CSMD1: variants seen among roughly 807,000 people sequenced by gnomAD.
CSMD1 encodes CUB and Sushi multiple domains 1.
Under a neutral mutation model 417.5 loss-of-function variants are expected in CSMD1, and 213 were observed. That is an observed-to-expected ratio of 0.51 (90% CI 0.46 to 0.57). The LOEUF (loss-of-function observed/expected upper bound fraction) is 0.57, where lower values mean the gene tolerates loss of function less well. Ranked by LOEUF, CSMD1 falls within the 20% of genes least tolerant of loss-of-function variation. The pLI is 0.00. For synonymous variants in CSMD1, 2,862 were observed against 1,736.8 expected, an observed-to-expected ratio of 1.65 and a Z score of -16.11; for missense variants, 6,923 against 4,529.7, an observed-to-expected ratio of 1.53 and a Z score of -15.17.
intron 4 of CSMD1, among the ~76,000 whole-genome samples, chr8:4,017,566 A>G (rs975792720): frequency 1.3e-5 from 2 of 152,160 alleles, no homozygotes; most frequent in Admixed American, 6.5e-5. Flanking sequence ...TTGGTCTCCC[A>G]AAGTGCTGGA....
intron 16 of CSMD1, 51 bp downstream of exon 16, chr8:3,399,340 T>C: frequency 6.7e-7 from 1 of 1,500,788 alleles, no homozygotes; most frequent in Non-Finnish European, 9.0e-7. Context: ...ACTAAAACTA[T>C]GGAAGAGACA....
At chr8:4,551,829 C>T (rs560156696) in intron 2 of CSMD1, among the ~76,000 whole-genome samples, 4 of 151,700 alleles carry the variant, frequency 2.6e-5, no homozygotes, top group Non-Finnish European at 5.9e-5. Context: ...CTGGCTTATG[C>T]CACTACACAT....
chr8:3,207,788 T>A (rs2116772507), intron 30 of CSMD1, among the ~76,000 whole-genome samples: 1 of 152,318 alleles, frequency 6.6e-6, no homozygotes, highest in African/African-American at 2.4e-5. Context: ...CATGCTAGTG[T>A]CTTAATTCAA....
intron 26 of CSMD1, among the ~76,000 whole-genome samples, 183 bp downstream of exon 26, chr8:3,283,961 G>A (rs190759929): frequency 2.0e-5 from 3 of 152,344 alleles, no homozygotes; most frequent in African/African-American, 7.2e-5. Context: ...CGTGGCCTCA[G>A]CCATGAACCC....
At chr8:4,233,152 A>T (rs775502086) in intron 3 of CSMD1, among the ~76,000 whole-genome samples, 1 of 152,222 alleles carries the variant, frequency 6.6e-6, no homozygotes, top group Non-Finnish European at 1.5e-5. Context: ...AAGAACAATG[A>T]CATGCATTTT....
In CSMD1 at chr8:4,713,268, G is replaced by C. The variant is rs143374827; in HGVS notation, c.86-75710C>G. 1.6e-3 allele frequency among the ~76,000 whole-genome samples: 240 copies of C among 152,356 alleles called. 1 individual carries two copies. Among genetic ancestry groups the C allele is most frequent in the African/African-American group, 5.4e-3 (224 of 41,590 alleles). On this transcript the variant is annotated intron_variant, in intron 1 of 69. Coordinates refer to ENST00000635120, the MANE Select transcript of CSMD1 (RefSeq NM_033225.6). ...CAAGTACAGAAGGAATGCGGAGCAG[G>C]AGAGTGTAGTTTAAGTTGGTTTTTG... is the stretch of plus-strand genomic sequence containing the variant.
At position 3,394,023 on chromosome 8, in the gene CSMD1, TATATATATATA is replaced by T. The variant is rs1811528508; in HGVS notation, c.2593+2160_2593+2170del. On this transcript the variant is annotated intron_variant, in intron 17 of 69. Coordinates refer to ENST00000635120, the MANE Select transcript of CSMD1 (RefSeq NM_033225.6). The stretch of plus-strand genomic sequence containing the variant: ...AATAAAAAAATAAATTATATATATA[TATATATATATA>T]TATATATATATATATATATATAGAA... Among the ~76,000 whole-genome samples, 776 of 96,112 alleles carry T rather than the reference TATATATATATA, an allele frequency of 8.1e-3. 41 individuals carry two copies. Among genetic ancestry groups the T allele is most frequent in the Middle Eastern group, 0.029 (5 of 172 alleles). The allele number at this position is 96,112 out of a possible 152,430, so 63.1% of individuals were successfully genotyped here. A position where few individuals can be genotyped will look rare whatever the true frequency, so the allele number is the denominator to read the frequency against.
chr8:4,145,663 A>G (rs1185551618), intron 3 of CSMD1, among the ~76,000 whole-genome samples: 2 of 150,970 alleles, frequency 1.3e-5, no homozygotes, highest in African/African-American at 5.0e-5. Context: ...TGCTGGGATT[A>G]CAGCCTCACA....
intron 1 of CSMD1, among the ~76,000 whole-genome samples, chr8:4,917,806 G>A (rs891524805): frequency 6.6e-6 from 1 of 152,132 alleles, no homozygotes; most frequent in Non-Finnish European, 1.5e-5. Context: ...TTGCAAGATA[G>A]GAACAGAGTG....
intron 1 of CSMD1, among the ~76,000 whole-genome samples, chr8:4,992,406 C>T (rs1029019926): frequency 2.6e-5 from 4 of 152,196 alleles, no homozygotes; most frequent in African/African-American, 4.8e-5. Context: ...TCGAGGGAAC[C>T]GAGAGTGAGC....
chr8:3,712,421 A>C (rs1342780644), intron 6 of CSMD1, among the ~76,000 whole-genome samples: 2 of 148,338 alleles, frequency 1.3e-5, no homozygotes, highest in South Asian at 2.2e-4. Flanking sequence ...AGACAGACAG[A>C]CAGACAGACA....
At chr8:3,366,673 C>A (rs1476864757) in intron 20 of CSMD1, among the ~76,000 whole-genome samples, 4 of 152,142 alleles carry the variant, frequency 2.6e-5, no homozygotes, top group East Asian at 3.9e-4. Context: ...CAGGTGACAA[C>A]AGACCCAGAG....
At chr8:3,518,816 T>C (rs898357752) in intron 10 of CSMD1, among the ~76,000 whole-genome samples, 4 of 152,190 alleles carry the variant, frequency 2.6e-5, no homozygotes, top group African/African-American at 9.7e-5. Context: ...GCAAACTTTC[T>C]ATAAATCAAA....
chr8:4,887,553 G>A (rs147347234), intron 1 of CSMD1, among the ~76,000 whole-genome samples: 1,578 of 151,936 alleles, frequency 0.01, 6 homozygotes, highest in Non-Finnish European at 0.015. Context: ...ATTTGTTAAC[G>A]AAAGTGGGAT....
At chr8:4,294,428 C>T (rs527865558) in intron 3 of CSMD1, among the ~76,000 whole-genome samples, 4 of 152,268 alleles carry the variant, frequency 2.6e-5, no homozygotes, top group Non-Finnish European at 4.4e-5. Flanking sequence ...GTTTATCAGA[C>T]ACTTCAATTA....
intron 53 of CSMD1, among the ~76,000 whole-genome samples, chr8:2,999,154 CT>C (rs33927768): frequency 0.41 from 47,524 of 115,730 alleles, 8,039 homozygotes; most frequent in East Asian, 0.66. Flanking sequence ...TTTTTTTTCC[CT>C]TTTTTTTTTT....
At chr8:4,612,469 C>T (rs1222673300) in intron 2 of CSMD1, among the ~76,000 whole-genome samples, 4 of 152,166 alleles carry the variant, frequency 2.6e-5, no homozygotes, top group African/African-American at 9.7e-5. Flanking sequence ...TTCTCAAGAA[C>T]TCTGAGGTCA....
At chr8:3,150,092 C>A (rs982552363) in intron 40 of CSMD1, among the ~76,000 whole-genome samples, 2 of 152,176 alleles carry the variant, frequency 1.3e-5, no homozygotes, top group African/African-American at 4.8e-5. Context: ...GTGGAAGCAA[C>A]GTTGCTGAAG....
At chr8:4,632,636 C>T (rs1802589997) in intron 2 of CSMD1, among the ~76,000 whole-genome samples, 1 of 152,150 alleles carries the variant, frequency 6.6e-6, no homozygotes, top group African/African-American at 2.4e-5. Context: ...CAAAGATATA[C>T]AAGCCCCGAG....
Sources: allele counts gnomAD v4.1 joint callset (sites outside exome capture counted in the v4.1 genomes callset), GRCh38; gene constraint gnomAD v4.1.1; transcripts MANE v1.5; gene names NCBI Gene and HGNC (gene_info 2026-07-23, HGNC 2026-07-21).